The following HSPG2 variants were observed in gnomAD, a reference collection of about 807,000 sequenced individuals.
HSPG2 encodes heparan sulfate proteoglycan 2.
HSPG2 carries 278 observed loss-of-function variants against 526.6 expected under a neutral mutation model. The observed-to-expected ratio is 0.53, with a 90% CI of 0.48 to 0.58. HSPG2 has a LOEUF of 0.58. Ranked by LOEUF, HSPG2 falls within the 20% of genes least tolerant of loss-of-function variation. HSPG2 has a pLI of 0.00. For missense variants in HSPG2, 5,354 were observed against 6,099.5 expected (o/e 0.88, Z 4.07); for synonymous variants, 2,465 against 2,555.4 (o/e 0.96, Z 1.07).
In HSPG2 at chr1:21,839,560, C is replaced by G; in HGVS notation, c.9710-10G>C. 1.9e-6 allele frequency: 3 copies of G among 1,613,444 alleles called. No homozygotes were observed. Among genetic ancestry groups the G allele is most frequent in the Non-Finnish European group, 2.5e-6 (3 of 1,179,816 alleles). On this transcript the variant is annotated splice_polypyrimidine_tract_variant and intron_variant, in intron 72 of 96. Transcript: ENST00000374695. The surrounding 1 kb of genome is among the most constrained non-coding windows in gnomAD (Gnocchi z 4.5). The stretch of plus-strand genomic sequence containing the variant: ...GTGGGCGCGGGGCTGCCTGTGGAGT[C>G]GAGTGGAAGATGACAGAAGTCACTG...
chr1:21,855,941 T>G (rs746951907), intron 44 of HSPG2, 29 bp from the exon 45 acceptor site: 1 of 1,603,140 alleles, frequency 6.2e-7, no homozygotes, highest in Non-Finnish European at 8.5e-7. Flanking sequence ...GAACATGCAC[T>G]CAGGGTGGGG....
At chr1:21,891,850 A>G (rs977466744) in intron 3 of HSPG2, among the ~76,000 whole-genome samples, 13 of 152,176 alleles carry the variant, frequency 8.5e-5, no homozygotes, top group Non-Finnish European at 1.9e-4. Flanking sequence ...GGCTCAAGCA[A>G]TCCTCTCACT....
intron 1 of HSPG2, among the ~76,000 whole-genome samples, chr1:21,915,537 G>C (rs1643868811): frequency 6.6e-6 from 1 of 151,986 alleles, no homozygotes; most frequent in African/African-American, 2.4e-5. Context: ...GCCCAGCAGA[G>C]AGAGGAGCAG....
intron 1 of HSPG2, among the ~76,000 whole-genome samples, chr1:21,934,535 G>A (rs189670454): frequency 6.0e-4 from 91 of 152,200 alleles, no homozygotes; most frequent in African/African-American, 2.0e-3. Flanking sequence ...TTAGGAGACC[G>A]AGGCGAGAGG....
At chr1:21,843,620 G>A (rs2098058775) in intron 65 of HSPG2, among the ~76,000 whole-genome samples, 182 bp from the exon 66 acceptor site, 1 of 152,148 alleles carries the variant, frequency 6.6e-6, no homozygotes, top group Non-Finnish European at 1.5e-5. Context: ...CCGGCAGGAG[G>A]AAGTCAAGAG....
chr1:21,835,600 T>C lies in HSPG2; in HGVS notation c.10393A>G (p.Ile3465Val). ...NLDQSCQGTYICQAHGPWGKA... is the reference protein window; with the variant it reads ...NLDQSCQGTYVCQAHGPWGKA... ...CCCCAAGGTCCATGGGCCTGGCATA[T>C]ATACGTCCCTTGGCAGCTCTGGTCC... The change falls in exon 76 of 97, where the codon ATA (isoleucine) becomes GTA (valine). Residue 3465 changes from isoleucine to valine, a missense_variant. Physicochemically the swap from Ile to Val is conservative, Grantham distance 29. Transcript: ENST00000374695. 6.2e-7 allele frequency: 1 copy of C among 1,614,126 alleles called. No homozygotes were observed. The highest frequency in any genetic ancestry group is 8.5e-7 in the Non-Finnish European group (1 of 1,179,966).
At position 21,878,974 on chromosome 1, in the gene HSPG2, G is replaced by A. The variant is rs200102279; in HGVS notation, c.2471+20C>T. On this transcript the variant is annotated intron_variant, in intron 18 of 96. Coordinates refer to ENST00000374695, the MANE Select transcript of HSPG2 (RefSeq NM_005529.7). ...CACTGTCCCCAGCCAAACCCCCCCT[G>A]ACCCGGAGCTGGGGCTGACCTGCGG... 761 of 1,609,860 alleles carry A rather than the reference G, an allele frequency of 4.7e-4. 4 individuals carry two copies. The African/African-American group carries it at 8.8e-3, about 19-fold the overall frequency.
chr1:21,850,599 C>T, intron 55 of HSPG2, 101 bp from the exon 56 acceptor site: 1 of 1,356,368 alleles, frequency 7.4e-7, no homozygotes, highest in East Asian at 2.5e-5. Flanking sequence ...TGGCCATCAG[C>T]TCTGGATCAG....
At chr1:21,856,829 C>T (rs955667755) in intron 44 of HSPG2, among the ~76,000 whole-genome samples, 186 bp downstream of exon 44, 9 of 152,198 alleles carry the variant, frequency 5.9e-5, no homozygotes, top group Non-Finnish European at 7.3e-5. Context: ...CTGCCTAGGA[C>T]GTGTACTTCA....
chr1:21,830,363 C>G, intron 85 of HSPG2: 4 of 473,288 alleles, frequency 8.5e-6, no homozygotes, highest in Non-Finnish European at 7.7e-6. Context: ...CACCTGGTGG[C>G]GGGTAATGGG....
Position 21,887,753 on chromosome 1 carries a change from C to T in HSPG2, c.704-79G>A. ...TCCTTGTCCCCAACCCTCCCCAGGCCCACCCTGTACTCCCCAACACCACTC... is the reference window on the plus strand; with the variant it reads ...TCCTTGTCCCCAACCCTCCCCAGGCTCACCCTGTACTCCCCAACACCACTC... On this transcript the variant is annotated intron_variant, in intron 7 of 96. Coordinates refer to ENST00000374695, the MANE Select transcript of HSPG2 (RefSeq NM_005529.7). This position sits in a 1 kb window ranked among gnomAD's most constrained non-coding sequence, Gnocchi z 5.0. 6.3e-7 allele frequency: 1 copy of T among 1,594,806 alleles called. No individual in the cohort carries two copies.
Position 21,886,092 on chromosome 1 carries a change from C to A in HSPG2, c.1079-641G>T, listed in dbSNP as rs148179678. ...AAGCCGCGCATCCACAGAGCAGGTG[C>A]GAGAGGAGACCAGGAGGTAGCCGTG... On this transcript the variant is annotated intron_variant, in intron 9 of 96. Transcript: ENST00000374695. Among the ~76,000 whole-genome samples, 442 of 152,350 alleles carry A rather than the reference C, an allele frequency of 2.9e-3. 2 individuals are homozygous for A. The highest frequency in any genetic ancestry group is 2.8e-3 in the Non-Finnish European group (190 of 68,042).
In HSPG2 at chr1:21,833,329, G is replaced by A; in HGVS notation, c.11034C>T (p.Thr3678=). The A allele has an allele frequency of 6.2e-7, 1 of 1,614,140 alleles. No individual in the cohort carries two copies. Among genetic ancestry groups the A allele is most frequent in the Non-Finnish European group, 8.5e-7 (1 of 1,180,008 alleles). ...QTPYSFLPLP[T]IKDAYRKFEI... ...CGAACTTCCTGTAGGCATCCTTGATGGTGGGCAGCGGTAGGAAGGAGTAGG... is the reference window on the plus strand; with the variant it reads ...CGAACTTCCTGTAGGCATCCTTGATAGTGGGCAGCGGTAGGAAGGAGTAGG... Residue 3678 remains threonine, a synonymous_variant, in exon 80 of 97, where the codon ACC becomes ACT. Coordinates refer to ENST00000374695, the MANE Select transcript of HSPG2 (RefSeq NM_005529.7).
intron 1 of HSPG2, among the ~76,000 whole-genome samples, chr1:21,924,688 G>A (rs1038629223): frequency 6.6e-6 from 1 of 152,134 alleles, no homozygotes; most frequent in Non-Finnish European, 1.5e-5. Context: ...AGCAATGAAT[G>A]TCACCTCAGC....
rs566315843 is a variant in HSPG2 at position 21,887,626 on chromosome 1, G to A, written c.752C>T (p.Thr251Met). Residue 251 changes from threonine to methionine, a missense_variant, in exon 8 of 97, where the codon ACG (threonine) becomes ATG (methionine). By Grantham distance (81) the Thr-to-Met change is moderately conservative. Coordinates refer to ENST00000374695, the MANE Select transcript of HSPG2 (RefSeq NM_005529.7). The surrounding 1 kb of genome is among the most constrained non-coding windows in gnomAD (Gnocchi z 5.0). ...ISPTFSLLVE[T>M]TSLPPRPETT... The stretch of plus-strand genomic sequence containing the variant: ...CTCTGGCCGGGGCGGTAAAGATGTC[G>A]TCTCCACAAGGAGAGAGAATGTGGG... The A allele has an allele frequency of 1.6e-4, 263 of 1,613,976 alleles. 4 individuals are homozygous for A. In the South Asian group the frequency reaches 2.6e-3, roughly 16 times the overall value.
intron 1 of HSPG2, among the ~76,000 whole-genome samples, chr1:21,923,991 GA>G (rs1386757520): frequency 6.6e-6 from 1 of 152,126 alleles, no homozygotes; most frequent in Non-Finnish European, 1.5e-5. Flanking sequence ...GAATGCCCCT[GA>G]TGTCAGCTTA....
intron 9 of HSPG2, among the ~76,000 whole-genome samples, chr1:21,885,814 G>T (rs970407447): frequency 3.9e-5 from 6 of 152,224 alleles, no homozygotes; most frequent in Non-Finnish European, 7.3e-5. Context: ...TGGCATCTCT[G>T]GGCGCCAGCA....
In HSPG2 at chr1:21,872,072, G is replaced by T; in HGVS notation, c.4221+114C>A. The T allele has an allele frequency of 3.4e-6, 4 of 1,159,946 alleles. No homozygotes were observed. Among genetic ancestry groups the T allele is most frequent in the Non-Finnish European group, 5.0e-6 (4 of 795,162 alleles). 71.9% of individuals were successfully genotyped at this position (1,159,946 alleles called of 1,614,324 possible). ...ATGTCTATGGGACTGCAAAAGCCAC[G>T]TGCCTAACCACGATATGGCCATGCA... On this transcript the variant is annotated intron_variant, in intron 33 of 96. Coordinates refer to ENST00000374695, the MANE Select transcript of HSPG2 (RefSeq NM_005529.7). This position sits in a 1 kb window ranked among gnomAD's most constrained non-coding sequence, Gnocchi z 5.5.
At chr1:21,850,973 A>G (rs1357357070) in intron 55 of HSPG2, among the ~76,000 whole-genome samples, 1 of 140,934 alleles carries the variant, frequency 7.1e-6, no homozygotes, top group African/African-American at 2.8e-5. Flanking sequence ...TCTGTGAGGT[A>G]CTTTTTTTTT....
Sources: gnomAD v4.1 joint callset for allele counts (sites outside exome capture counted in the v4.1 genomes callset) on GRCh38, gnomAD v4.1.1 for gene constraint, Gnocchi (gnomAD v3.1) non-coding constraint, MANE v1.5 for transcripts, NCBI Gene and HGNC (gene_info 2026-07-23, HGNC 2026-07-21) for gene names.